RAMP3: variants seen among roughly 807,000 people sequenced by gnomAD.
RAMP3 encodes the protein receptor activity-modifying protein 3.
RAMP3 carries 14 observed loss-of-function variants against 13.5 expected under a neutral mutation model. That is an observed-to-expected ratio of 1.04 (90% CI 0.69 to 1.63). The LOEUF is 1.63. Ranked by LOEUF, RAMP3 falls within the 40% of genes most tolerant of loss-of-function variation. The pLI is 0.00. For missense variants in RAMP3, 200 were observed against 204.8 expected, an observed-to-expected ratio of 0.98 and a Z score of 0.14; for synonymous variants, 106 against 88.3, an observed-to-expected ratio of 1.20 and a Z score of -1.12.
At chr7:45,164,773 C>T (rs1785926014) in intron 1 of RAMP3, among the ~76,000 whole-genome samples, 1 of 152,132 alleles carries the variant, frequency 6.6e-6, no homozygotes, top group African/African-American at 2.4e-5. Flanking sequence ...ATAGCCACTC[C>T]ATCTTTCTTT....
chr7:45,169,067 A>G (rs1310962060), intron 1 of RAMP3, among the ~76,000 whole-genome samples: 2 of 152,164 alleles, frequency 1.3e-5, no homozygotes, highest in Non-Finnish European at 2.9e-5. Flanking sequence ...TTAATGTGAT[A>G]TATTACATGA....
At chr7:45,162,067 C>T (rs990395956) in intron 1 of RAMP3, among the ~76,000 whole-genome samples, 6 of 152,170 alleles carry the variant, frequency 3.9e-5, no homozygotes, top group African/African-American at 7.2e-5. Flanking sequence ...CCTTAGTCCT[C>T]GTGTGACTCC....
rs549865743 is a variant in RAMP3, at chr7:45,159,127, T to G, written c.58+1241T>G. Among the ~76,000 whole-genome samples the G allele has an allele frequency of 5.3e-5, 8 of 152,330 alleles. No individual in the cohort carries two copies. In the South Asian group the frequency reaches 1.4e-3, roughly 28 times the overall value. On this transcript the variant is annotated intron_variant, in intron 1 of 2. Coordinates refer to ENST00000242249, the MANE Select transcript of RAMP3 (RefSeq NM_005856.3). ...GCACAGAATCCCCCCTTAATAATCCTGTCTCTCGTGGACCCAGTTCCTGAG... is the reference window on the plus strand; with the variant it reads ...GCACAGAATCCCCCCTTAATAATCCGGTCTCTCGTGGACCCAGTTCCTGAG...
chr7:45,175,864 T>C (rs1349797715), intron 1 of RAMP3, among the ~76,000 whole-genome samples: 3 of 152,208 alleles, frequency 2.0e-5, no homozygotes, highest in Admixed American at 2.0e-4. Flanking sequence ...AAGCAGGCTA[T>C]GACTCTTGAG....
intron 1 of RAMP3, among the ~76,000 whole-genome samples, chr7:45,173,287 A>C (rs1786115229): frequency 1.3e-5 from 2 of 152,192 alleles, no homozygotes; most frequent in Non-Finnish European, 2.9e-5. Flanking sequence ...TGGACATGGA[A>C]GTGTGTCCGC....
intron 1 of RAMP3, chr7:45,163,775 G>C (rs1312011591): frequency 1.0e-6 from 1 of 985,242 alleles, no homozygotes. Context: ...ACAGGATGAG[G>C]TCTCTGTCTT....
chr7:45,169,277 C>T (rs886069790), intron 1 of RAMP3, among the ~76,000 whole-genome samples: 1 of 152,146 alleles, frequency 6.6e-6, no homozygotes, highest in Admixed American at 6.5e-5. Flanking sequence ...ATACTGGCTT[C>T]AGAGAATGAG....
intron 1 of RAMP3, chr7:45,163,896 T>C (rs957254368): frequency 2.0e-6 from 2 of 985,002 alleles, no homozygotes; most frequent in Non-Finnish European, 2.4e-6. Context: ...GACGCCAGCT[T>C]CAGTCCTGGC....
chr7:45,180,916 T>G (rs920841383), intron 2 of RAMP3, among the ~76,000 whole-genome samples: 1 of 152,170 alleles, frequency 6.6e-6, no homozygotes, highest in Admixed American at 6.5e-5. Flanking sequence ...TAGTTCCCGG[T>G]TTTCTAGAGA....
At chr7:45,176,341 A>G (rs1012409901) in intron 1 of RAMP3, among the ~76,000 whole-genome samples, 3 of 151,968 alleles carry the variant, frequency 2.0e-5, no homozygotes, top group Non-Finnish European at 4.4e-5. Context: ...ATGCTCATGT[A>G]TGCATACACA....
At chr7:45,166,665 G>C (rs979076972) in intron 1 of RAMP3, among the ~76,000 whole-genome samples, 1 of 152,058 alleles carries the variant, frequency 6.6e-6, no homozygotes, top group African/African-American at 2.4e-5. Flanking sequence ...AAAATTTGAC[G>C]TGTCTAATTT....
chr7:45,174,504 C>T (rs1050513192), intron 1 of RAMP3, among the ~76,000 whole-genome samples: 20 of 152,196 alleles, frequency 1.3e-4, no homozygotes, highest in African/African-American at 3.4e-4. Flanking sequence ...TTCTGCTACC[C>T]GGGCAGCTCA....
At chr7:45,164,375 CA>C (rs35024892) in intron 1 of RAMP3, among the ~76,000 whole-genome samples, 39,234 of 150,168 alleles carry the variant, frequency 0.26, 6,089 homozygotes, top group African/African-American at 0.43. Flanking sequence ...CTACAAATAA[CA>C]AAAAAAAAAT....
At position 45,177,430 on chromosome 7, in the gene RAMP3, C is replaced by G. The variant is rs1003173817; in HGVS notation, c.180C>G (p.Ser60=). 1 of 1,614,040 alleles carries G rather than the reference C, an allele frequency of 6.2e-7. No individual in the cohort carries two copies. The highest frequency in any genetic ancestry group is 1.7e-5 in the Admixed American group (1 of 60,026). The change falls in exon 2 of 3, where the codon TCC becomes TCG. Residue 60 remains serine (S), a synonymous_variant. Coordinates refer to ENST00000242249, the MANE Select transcript of RAMP3 (RefSeq NM_005856.3). ...KVDVWKWCNL[S]EFIVYYESFT... Reference sequence around the variant, plus strand: ...ACGTCTGGAAGTGGTGCAACCTGTCCGAGTTCATCGTGTGAGTGCCACTGC... The same window carrying G: ...ACGTCTGGAAGTGGTGCAACCTGTCGGAGTTCATCGTGTGAGTGCCACTGC...
intron 2 of RAMP3, among the ~76,000 whole-genome samples, chr7:45,182,079 G>A (rs1247409609): frequency 6.6e-6 from 1 of 152,152 alleles, no homozygotes; most frequent in Admixed American, 6.5e-5. Context: ...GGAAATCTAC[G>A]CCCAGATGAT....
At chr7:45,167,450 A>G (rs930729588) in intron 1 of RAMP3, among the ~76,000 whole-genome samples, 1 of 152,026 alleles carries the variant, frequency 6.6e-6, no homozygotes, top group Admixed American at 6.6e-5. Context: ...TCTGAATTCT[A>G]TTCCACTGGT....
intron 1 of RAMP3, among the ~76,000 whole-genome samples, chr7:45,176,296 C>A (rs944854660): frequency 1.6e-4 from 25 of 152,074 alleles, no homozygotes; most frequent in African/African-American, 5.8e-4. Context: ...CCAGCACCAG[C>A]CGCCGGAACA....
intron 1 of RAMP3, among the ~76,000 whole-genome samples, 197 bp downstream of exon 1, chr7:45,158,083 T>C (rs935901293): frequency 3.3e-5 from 5 of 152,334 alleles, no homozygotes; most frequent in Admixed American, 3.3e-4. Flanking sequence ...GGCGAAGGAC[T>C]CTGGCGGGCA....
At chr7:45,161,867 G>T (rs1785873256) in intron 1 of RAMP3, among the ~76,000 whole-genome samples, 2 of 152,238 alleles carry the variant, frequency 1.3e-5, no homozygotes, top group South Asian at 4.2e-4. Flanking sequence ...GGACAGGGTG[G>T]GGCTAGCCTG....
Sources: gnomAD v4.1 joint callset for allele counts (sites outside exome capture counted in the v4.1 genomes callset) on GRCh38, gnomAD v4.1.1 for gene constraint, MANE v1.5 for transcripts, NCBI Gene and HGNC (gene_info 2026-07-23, HGNC 2026-07-21) for gene names.